WDR90: variants seen among roughly 807,000 people sequenced by gnomAD.
WDR90 encodes the protein WD repeat-containing protein 90.
Under a neutral mutation model 195.2 loss-of-function variants are expected in WDR90, and 238 were observed. The observed-to-expected ratio is 1.22, with a 90% CI of 1.10 to 1.36. The LOEUF (loss-of-function observed/expected upper bound fraction) is 1.36. Among genes scored for constraint, WDR90 ranks in the 40% most tolerant of loss-of-function variants. WDR90 has a pLI of 0.00. For synonymous variants in WDR90, 1,265 were observed against 1,052.4 expected (o/e 1.20, Z -3.91); for missense variants, 2,734 against 2,439.5 (o/e 1.12, Z -2.54).
At position 659,115 on chromosome 16, in the gene WDR90, C is replaced by A. The variant is rs751122380; in HGVS notation, c.3041C>A (p.Ala1014Asp). ...SDQSFPGAPP[A>D]CKTGPGAGPL... ...CAAAGCTTCCCCGGGGCCCCCCCAGCCTGCAAGACAGGTGAGTGGCTGTGC... is the reference window on the plus strand; with the variant it reads ...CAAAGCTTCCCCGGGGCCCCCCCAGACTGCAAGACAGGTGAGTGGCTGTGC... Residue 1014 changes from alanine (A) to aspartate (D), a missense_variant, in exon 25 of 41, where the codon GCC becomes GAC. By Grantham distance (126) the Ala-to-Asp change is moderately radical. Transcript: ENST00000293879. 9.9e-6 allele frequency: 16 copies of A among 1,612,018 alleles called. No homozygotes were observed. The East Asian group carries it at 3.3e-4, about 34-fold the overall frequency.
chr16:660,957 C>CCCCCCACCGCCCGGCCT, intron 28 of WDR90, 94 bp from the exon 29 acceptor site: 1 of 379,746 alleles, frequency 2.6e-6, no homozygotes. Context: ...ACGGCTCGGC[C>CCCCCCACCGCCCGGCCT]CAGGCCCCGC....
At chr16:658,677 G>A in intron 23 of WDR90, 24 bp downstream of exon 23, 1 of 1,597,768 alleles carries the variant, frequency 6.3e-7, no homozygotes, top group Non-Finnish European at 8.6e-7. Flanking sequence ...GAGGCAGGTG[G>A]CTTTGGCGGT....
intron 33 of WDR90, 69 bp from the exon 34 acceptor site, chr16:662,610 G>C: frequency 6.6e-7 from 1 of 1,508,832 alleles, no homozygotes; most frequent in Non-Finnish European, 8.9e-7. Flanking sequence ...CTCGGCTGGG[G>C]ACCCAGCTGG....
chr16:659,113 A>C lies in WDR90; in HGVS notation c.3039A>C (p.Pro1013=). 6.2e-7 allele frequency: 1 copy of C among 1,611,992 alleles called. No homozygotes were observed. The highest frequency in any genetic ancestry group is 1.1e-5 in the South Asian group (1 of 91,054). ...ACCAAAGCTTCCCCGGGGCCCCCCC[A>C]GCCTGCAAGACAGGTGAGTGGCTGT... The part of the protein sequence containing the change: ...ESDQSFPGAP[P]ACKTGPGAGP... The change falls in exon 25 of 41, where the codon CCA becomes CCC. Residue 1013 remains proline, a synonymous_variant. Coordinates refer to ENST00000293879, the MANE Select transcript of WDR90 (RefSeq NM_145294.5).
At chr16:660,549 C>A in intron 27 of WDR90, 63 bp from the exon 28 acceptor site, 1 of 1,493,364 alleles carries the variant, frequency 6.7e-7, no homozygotes, top group Non-Finnish European at 9.1e-7. Context: ...CTCCCATGTG[C>A]AGGCTTTGGG....
In WDR90 at chr16:667,815, A is replaced by G. The variant is rs2038158829; in HGVS notation, c.*226A>G. 3.0e-6 allele frequency: 2 copies of G among 671,428 alleles called. No homozygotes were observed. Among genetic ancestry groups the G allele is most frequent in the Middle Eastern group, 2.4e-4 (1 of 4,152 alleles). The allele number at this position is 671,428 out of a possible 1,614,324, so 41.6% of individuals were successfully genotyped here. ...TTAATGTTTCTATCTTGTAATAAACATGGGCATTTATTGCATTATTGCTGC... is the reference window on the plus strand; with the variant it reads ...TTAATGTTTCTATCTTGTAATAAACGTGGGCATTTATTGCATTATTGCTGC... On this transcript the variant is annotated 3_prime_UTR_variant, in exon 41 of 41. Coordinates refer to ENST00000293879, the MANE Select transcript of WDR90 (RefSeq NM_145294.5).
In WDR90 at chr16:667,744, C is replaced by T. The variant is rs1325325928; in HGVS notation, c.*155C>T. 5 of 1,121,976 alleles carry T rather than the reference C, an allele frequency of 4.5e-6. No individual in the cohort carries two copies. The highest frequency in any genetic ancestry group is 1.3e-5 in the South Asian group (1 of 75,314). The allele number at this position is 1,121,976 out of a possible 1,614,324, so 69.5% of individuals were successfully genotyped here. On this transcript the variant is annotated 3_prime_UTR_variant, in exon 41 of 41. Coordinates refer to ENST00000293879, the MANE Select transcript of WDR90 (RefSeq NM_145294.5). ...GGAGCAAGCTGTTGTAAATTTGGCG[C>T]CCTGTGAATACTTTCATACCTGTTG...
intron 35 of WDR90, 32 bp from the exon 36 acceptor site, chr16:665,918 A>G: frequency 6.4e-7 from 1 of 1,565,006 alleles, no homozygotes; most frequent in Non-Finnish European, 8.7e-7. Context: ...GGCCCCTGTG[A>G]GTGCTGAAGT....
intron 27 of WDR90, 83 bp from the exon 28 acceptor site, chr16:660,529 C>A: frequency 7.0e-7 from 1 of 1,424,690 alleles, no homozygotes; most frequent in Non-Finnish European, 9.6e-7. Flanking sequence ...TGGGTGTGCC[C>A]CAACACAGCC....
rs1320405926 is a variant in WDR90 at position 661,622 on chromosome 16, C to T, written c.3699C>T (p.Ala1233=). 3.7e-6 allele frequency: 6 copies of T among 1,600,276 alleles called. No individual in the cohort carries two copies. The highest frequency in any genetic ancestry group is 2.2e-5 in the East Asian group (1 of 44,766). ...GGGACCACGATGGCCGCACCCTCGC[C>T]CTGTGGGGCACGGCCACCTATGACC... ...TLGDHDGRTL[A]LWGTATYDLV... The change falls in exon 31 of 41, where the codon GCC becomes GCT. Residue 1233 remains alanine, a synonymous_variant. Coordinates refer to ENST00000293879, the MANE Select transcript of WDR90 (RefSeq NM_145294.5).
rs752107533 is a variant in WDR90 at position 660,662 on chromosome 16, C to A, written c.3339C>A (p.Val1113=). ...GTGGGTGGCTGCGTCTGAAGGCTGT[C>A]GTCGGTTACAGCGGGAATGGGCGGG... The part of the protein sequence containing the change: ...ASGGWLRLKA[V]VGYSGNGRAN... Residue 1113 remains valine (V), a synonymous_variant, in exon 28 of 41, where the codon GTC becomes GTA. Transcript: ENST00000293879. 2 of 1,582,712 alleles carry A rather than the reference C, an allele frequency of 1.3e-6. No homozygotes were observed. Among genetic ancestry groups the A allele is most frequent in the Admixed American group, 1.8e-5 (1 of 56,088 alleles).
In WDR90 at chr16:664,718, C is replaced by T. The variant is rs1411842568; in HGVS notation, c.4312-961C>T. 6.7e-5 allele frequency among the ~76,000 whole-genome samples: 10 copies of T among 148,762 alleles called. 1 individual carries two copies. In the South Asian group the frequency reaches 8.4e-4, roughly 13 times the overall value. ...TTTTTTTTGAGACGGAGTTTCTTGTCGCCCAGGCTGGAGTGCAGTGGCATG... is the reference window on the plus strand; with the variant it reads ...TTTTTTTTGAGACGGAGTTTCTTGTTGCCCAGGCTGGAGTGCAGTGGCATG... On this transcript the variant is annotated intron_variant, in intron 34 of 40. Coordinates refer to ENST00000293879, the MANE Select transcript of WDR90 (RefSeq NM_145294.5).
In WDR90 at chr16:650,644, G is replaced by C. The variant is rs13337278; in HGVS notation, c.494G>C (p.Ser165Thr). The change falls in exon 5 of 41, where the codon AGC becomes ACC. Residue 165 changes from serine to threonine, a missense_variant. Coordinates refer to ENST00000293879, the MANE Select transcript of WDR90 (RefSeq NM_145294.5). ...YLNRCYGHLK[S>T]IRLCASLLVR... ...AACCGGTGCTACGGCCATCTCAAGA[G>C]CATCAGGCTGTGCGCCAGCCTGCTG... 0.15 allele frequency: 238,582 copies of C among 1,612,484 alleles called. 21,503 individuals carry two copies. The highest frequency in any genetic ancestry group is 0.41 in the African/African-American group (30,684 of 74,932).
chr16:660,989 G>GCCC, intron 28 of WDR90, 62 bp from the exon 29 acceptor site: 3 of 24,684 alleles, frequency 1.2e-4, no homozygotes, highest in Non-Finnish European at 1.8e-4. Context: ...CCCCTCCCCA[G>GCCC]GCCCCTCCCC....
At chr16:659,212 T>G in intron 25 of WDR90, 33 bp from the exon 26 acceptor site, 5 of 1,610,660 alleles carry the variant, frequency 3.1e-6, no homozygotes, top group Non-Finnish European at 4.2e-6. Context: ...TTCCTCTTCC[T>G]TCCCAAACAT....
At chr16:650,401 G>A (rs377219622) in intron 4 of WDR90, 39 bp downstream of exon 4, 14 of 1,596,716 alleles carry the variant, frequency 8.8e-6, no homozygotes, top group Non-Finnish European at 1.2e-5. Flanking sequence ...CAGGACAGGT[G>A]GCTGGAGGGA....
At position 651,068 on chromosome 16, in the gene WDR90, G is replaced by A. The variant is rs370766021; in HGVS notation, c.633G>A (p.Lys211=). ...GGGAAATGGCATTCCCTGTGCCCAAGGGAGAGAGCTGGCATGACCGCTACA... is the reference window on the plus strand; with the variant it reads ...GGGAAATGGCATTCCCTGTGCCCAAAGGAGAGAGCTGGCATGACCGCTACA... ...MPREMAFPVP[K]GESWHDRYIH... Residue 211 remains lysine (K), a synonymous_variant, in exon 6 of 41, where the codon AAG becomes AAA. Transcript: ENST00000293879. 6.6e-5 allele frequency: 106 copies of A among 1,613,612 alleles called. 1 individual carries two copies. In the African/African-American group the frequency reaches 1.3e-3, roughly 20 times the overall value.
At chr16:652,192 T>G in intron 9 of WDR90, 153 bp downstream of exon 9, 1 of 973,190 alleles carries the variant, frequency 1.0e-6, no homozygotes, top group Non-Finnish European at 1.5e-6. Context: ...GGAGGCGGCT[T>G]TGGGGAAGAA....
At chr16:662,488 C>T (rs2037938522) in intron 33 of WDR90, 157 bp downstream of exon 33, 1 of 1,198,408 alleles carries the variant, frequency 8.3e-7, no homozygotes, top group South Asian at 1.5e-5. Context: ...CTGGGCCTCA[C>T]TGGCTGCTGT....
Sources: gnomAD v4.1 joint callset for allele counts (sites outside exome capture counted in the v4.1 genomes callset) on GRCh38, gnomAD v4.1.1 for gene constraint, MANE v1.5 for transcripts, NCBI Gene and HGNC (gene_info 2026-07-23, HGNC 2026-07-21) for gene names.